The following NEDD4L variants were observed in gnomAD, a reference collection of about 807,000 sequenced individuals.
NEDD4L encodes E3 ubiquitin-protein ligase NEDD4-like.
Under a neutral mutation model 148.9 loss-of-function variants are expected in NEDD4L, and 54 were observed. The observed-to-expected ratio is 0.36, with a 90% CI of 0.29 to 0.45. NEDD4L has a LOEUF of 0.45. Ranked by LOEUF, NEDD4L falls within the 20% of genes least tolerant of loss-of-function variation. The pLI, the probability that NEDD4L is intolerant of heterozygous loss-of-function variation, is 1.00. For missense variants in NEDD4L, 856 were observed against 1,233.8 expected (o/e 0.69, Z 4.59); for synonymous variants, 433 against 440.7 (o/e 0.98, Z 0.22).
At chr18:58,106,178 G>C (rs1320663709) in intron 1 of NEDD4L, among the ~76,000 whole-genome samples, 1 of 152,158 alleles carries the variant, frequency 6.6e-6, no homozygotes, top group East Asian at 1.9e-4. Flanking sequence ...GTGCTGCCCA[G>C]GATCCTGGGA....
intron 1 of NEDD4L, among the ~76,000 whole-genome samples, chr18:58,098,252 C>G (rs2084544760): frequency 6.6e-6 from 1 of 152,034 alleles, no homozygotes; most frequent in African/African-American, 2.4e-5. Context: ...GGGACAGAGC[C>G]TGTTGCCCAG....
intron 28 of NEDD4L, among the ~76,000 whole-genome samples, chr18:58,389,786 C>T (rs1157405657): frequency 6.7e-6 from 1 of 150,140 alleles, no homozygotes; most frequent in East Asian, 1.9e-4. Flanking sequence ...TGATTATTTA[C>T]TTCACCCCAA....
chr18:58,197,260 A>C (rs2040824128), intron 2 of NEDD4L, among the ~76,000 whole-genome samples: 1 of 152,160 alleles, frequency 6.6e-6, no homozygotes, highest in Non-Finnish European at 1.5e-5. Context: ...AAACGCCATA[A>C]ACCTTAACCT....
At chr18:58,389,485 C>T (rs1428644778) in intron 28 of NEDD4L, 4 of 257,252 alleles carry the variant, frequency 1.6e-5, no homozygotes, top group African/African-American at 4.4e-5. Context: ...TCCTCCAATG[C>T]GTAAATAGAA....
intron 5 of NEDD4L, among the ~76,000 whole-genome samples, chr18:58,311,802 G>C (rs139235290): frequency 6.6e-6 from 1 of 152,152 alleles, no homozygotes; most frequent in Non-Finnish European, 1.5e-5. Flanking sequence ...TGGCGTCCAC[G>C]TCAGTGCTGA....
intron 2 of NEDD4L, among the ~76,000 whole-genome samples, chr18:58,235,800 G>T (rs1201494146): frequency 1.3e-5 from 2 of 152,036 alleles, no homozygotes; most frequent in Admixed American, 6.5e-5. Context: ...TTTTAAGGCT[G>T]TGTGCTTTAT....
intron 1 of NEDD4L, among the ~76,000 whole-genome samples, chr18:58,124,981 C>T (rs2030768792): frequency 6.6e-6 from 1 of 152,190 alleles, no homozygotes; most frequent in South Asian, 2.1e-4. Flanking sequence ...TAGCTCACTG[C>T]AGCGTCAGAC....
At chr18:58,204,602 A>C (rs147243216) in intron 2 of NEDD4L, among the ~76,000 whole-genome samples, 3 of 152,328 alleles carry the variant, frequency 2.0e-5, no homozygotes, top group Non-Finnish European at 4.4e-5. Flanking sequence ...GCAGGCGTCT[A>C]AGTAAATGAA....
chr18:58,350,336 C>T (rs1360681988), intron 17 of NEDD4L, among the ~76,000 whole-genome samples: 1 of 152,190 alleles, frequency 6.6e-6, no homozygotes, highest in Non-Finnish European at 1.5e-5. Context: ...TTAGGTTATA[C>T]AGGTATCCCA....
rs116787425 is a variant in NEDD4L at position 58,069,333 on chromosome 18, A to C, written c.48+24625A>C. Among the ~76,000 whole-genome samples the C allele has an allele frequency of 3.5e-3, 527 of 152,282 alleles. 2 individuals carry two copies. Among genetic ancestry groups the C allele is most frequent in the African/African-American group, 0.012 (515 of 41,556 alleles). Reference sequence around the variant, plus strand: ...ACTCTGCAAGTAGCTGAGCTCCACCAGTGTTAGAACTGAAATTGAGGTTAT... The same window carrying C: ...ACTCTGCAAGTAGCTGAGCTCCACCCGTGTTAGAACTGAAATTGAGGTTAT... On this transcript the variant is annotated intron_variant, in intron 1 of 30. Coordinates refer to ENST00000400345, the MANE Select transcript of NEDD4L (RefSeq NM_001144967.3).
chr18:58,045,152 C>T, intron 1 of NEDD4L: 1 of 399,086 alleles, frequency 2.5e-6, no homozygotes, highest in Non-Finnish European at 4.4e-6. Flanking sequence ...TCGTTTCCCC[C>T]TGGAACTTTC....
At chr18:58,189,983 T>C (rs974457752) in intron 2 of NEDD4L, 21 of 152,148 alleles carry the variant, frequency 1.4e-4, no homozygotes, top group African/African-American at 4.6e-4. Context: ...AAAACTCCAG[T>C]CAAACCAAAC....
intron 27 of NEDD4L, 47 bp downstream of exon 27, chr18:58,387,545 ATCTC>A: frequency 6.2e-6 from 9 of 1,452,578 alleles, no homozygotes; most frequent in Non-Finnish European, 8.3e-6. Flanking sequence ...TTTTTAAAGT[ATCTC>A]TCATTACTTT....
chr18:58,097,742 C>T (rs757271593), intron 1 of NEDD4L, among the ~76,000 whole-genome samples: 32 of 152,128 alleles, frequency 2.1e-4, no homozygotes, highest in Non-Finnish European at 4.1e-4. Context: ...TATTAGAAAA[C>T]TGTAGTTGAC....
intron 1 of NEDD4L, among the ~76,000 whole-genome samples, chr18:58,132,621 CGTGAA>C (rs922862091): frequency 3.3e-5 from 5 of 152,114 alleles, no homozygotes; most frequent in Admixed American, 1.3e-4. Context: ...ATAGAGTTGC[CGTGAA>C]GTTTAATGAG....
chr18:58,263,247 CAGAGT>C (rs548193244), intron 5 of NEDD4L, among the ~76,000 whole-genome samples: 117 of 152,272 alleles, frequency 7.7e-4, no homozygotes, highest in Middle Eastern at 6.8e-3. Flanking sequence ...GTAAGCAGAG[CAGAGT>C]AAATTCCTCC....
intron 1 of NEDD4L, among the ~76,000 whole-genome samples, chr18:58,057,153 C>A (rs1325068482): frequency 6.6e-6 from 1 of 152,010 alleles, no homozygotes; most frequent in Non-Finnish European, 1.5e-5. Context: ...ATGCCCCTGG[C>A]TTCGTGAAAT....
At chr18:58,074,661 C>A (rs919644699) in intron 1 of NEDD4L, among the ~76,000 whole-genome samples, 1 of 151,812 alleles carries the variant, frequency 6.6e-6, no homozygotes, top group African/African-American at 2.4e-5. Flanking sequence ...AAGTATCTGC[C>A]TGATGGATGG....
At chr18:58,245,627 C>T (rs1033394331) in intron 3 of NEDD4L, 119 bp downstream of exon 3, 2 of 475,304 alleles carry the variant, frequency 4.2e-6, no homozygotes, top group African/African-American at 2.0e-5. Context: ...GTGATAGTCC[C>T]GTGAGATTAT....
Sources: gnomAD v4.1 joint callset for allele counts (sites outside exome capture counted in the v4.1 genomes callset) on GRCh38, gnomAD v4.1.1 for gene constraint, MANE v1.5 for transcripts, NCBI Gene and HGNC (gene_info 2026-07-23, HGNC 2026-07-21) for gene names.